Variants in SLIT3 observed in about 807,000 individuals in gnomAD.
SLIT3 encodes slit guidance ligand 3, also known as slit homolog 3 protein.
A neutral mutation model predicts 184.0 loss-of-function variants in SLIT3; 68 were observed. The observed-to-expected ratio is 0.37, with a 90% CI of 0.30 to 0.45. The LOEUF (loss-of-function observed/expected upper bound fraction) is 0.45. Ranked by LOEUF, SLIT3 falls within the 20% of genes least tolerant of loss-of-function variation. SLIT3 has a pLI of 1.00. For synonymous variants in SLIT3, 831 were observed against 828.6 expected, an observed-to-expected ratio of 1.00 and a Z score of -0.05; for missense variants, 1,707 against 2,026.0, an observed-to-expected ratio of 0.84 and a Z score of 3.02.
intron 4 of SLIT3, among the ~76,000 whole-genome samples, chr5:169,138,469 T>C (rs1761603999): frequency 1.3e-5 from 2 of 152,036 alleles, no homozygotes; most frequent in African/African-American, 4.8e-5. Context: ...CTTTAACCCC[T>C]TCCCCCCTAG....
intron 4 of SLIT3, among the ~76,000 whole-genome samples, chr5:168,945,280 T>C (rs924275169): frequency 1.4e-4 from 21 of 151,872 alleles, no homozygotes; most frequent in Non-Finnish European, 2.6e-4. Context: ...CTCACTCTGT[T>C]ACCCAAGCTG....
At chr5:169,184,528 A>G (rs1276627822) in intron 4 of SLIT3, among the ~76,000 whole-genome samples, 1 of 152,234 alleles carries the variant, frequency 6.6e-6, no homozygotes, top group Admixed American at 6.5e-5. Flanking sequence ...AATATATAAA[A>G]TAACAGGGGC....
intron 1 of SLIT3, among the ~76,000 whole-genome samples, chr5:169,276,487 T>C (rs1766811700): frequency 6.6e-6 from 1 of 152,224 alleles, no homozygotes; most frequent in Non-Finnish European, 1.5e-5. Context: ...CGGGATGCCC[T>C]TCATTGGAAC....
chr5:168,887,669 C>A (rs558433930), intron 4 of SLIT3, among the ~76,000 whole-genome samples: 103 of 152,262 alleles, frequency 6.8e-4, no homozygotes, highest in African/African-American at 2.3e-3. Flanking sequence ...ACGGATAGTG[C>A]GCCCAGAAAC....
chr5:169,019,600 T>C (rs1201980815), intron 4 of SLIT3, among the ~76,000 whole-genome samples: 2 of 152,196 alleles, frequency 1.3e-5, no homozygotes, highest in Non-Finnish European at 2.9e-5. Context: ...ACTGATGGCT[T>C]GGCAGCAATT....
intron 4 of SLIT3, among the ~76,000 whole-genome samples, chr5:169,099,167 G>A (rs1015844943): frequency 6.6e-6 from 1 of 152,018 alleles, no homozygotes; most frequent in Non-Finnish European, 1.5e-5. Context: ...GTTTCTGGAG[G>A]GATAAAACAA....
At chr5:169,164,079 C>T (rs771341354) in intron 4 of SLIT3, among the ~76,000 whole-genome samples, 15 of 152,152 alleles carry the variant, frequency 9.9e-5, no homozygotes, top group Non-Finnish European at 1.6e-4. Flanking sequence ...GAAGGATGTT[C>T]GCAAATCAAC....
At chr5:169,247,520 T>TCTTA (rs1349439917) in intron 2 of SLIT3, among the ~76,000 whole-genome samples, 1 of 152,176 alleles carries the variant, frequency 6.6e-6, no homozygotes, top group Non-Finnish European at 1.5e-5. Context: ...CTATAATGAA[T>TCTTA]CTTAGTTCTG....
At position 168,861,413 on chromosome 5, in the gene SLIT3, C is replaced by G. The variant is rs1581155328; in HGVS notation, c.486-16758G>C. On this transcript the variant is annotated intron_variant, in intron 5 of 35. Transcript: ENST00000519560. ...GTCCCCAACCCCTGCCCCCCGCCCC[C>G]ACCAGCCCGCCCAATTTGCCCCATT... Among the ~76,000 whole-genome samples the G allele has an allele frequency of 4.0e-5, 6 of 150,870 alleles. 1 individual carries two copies. The South Asian group carries it at 1.3e-3, about 32-fold the overall frequency.
chr5:168,829,717 A>G (rs1561955739), intron 6 of SLIT3, among the ~76,000 whole-genome samples: 1 of 152,264 alleles, frequency 6.6e-6, no homozygotes, highest in Admixed American at 6.5e-5. Flanking sequence ...GTGAATTAAC[A>G]GAGGTGGATG....
chr5:168,884,549 G>GATATATATAT (rs58407375), intron 4 of SLIT3, among the ~76,000 whole-genome samples: 1,859 of 41,012 alleles, frequency 0.045, 303 homozygotes, highest in African/African-American at 0.071. Flanking sequence ...CCAATTACGA[G>GATATATATAT]ATATATATAT....
intron 19 of SLIT3, 74 bp from the exon 20 acceptor site, chr5:168,748,508 C>A (rs748026407): frequency 1.1e-5 from 15 of 1,402,482 alleles, no homozygotes; most frequent in African/African-American, 1.5e-5. Context: ...AGCAAGGCTG[C>A]GTGTTCTCCA....
At chr5:168,871,042 T>A (rs981297921) in intron 5 of SLIT3, among the ~76,000 whole-genome samples, 2 of 152,162 alleles carry the variant, frequency 1.3e-5, no homozygotes, top group Non-Finnish European at 2.9e-5. Context: ...AGGTCAGAAG[T>A]CCTAGATCAG....
chr5:168,924,459 T>C (rs1761742640), intron 4 of SLIT3, among the ~76,000 whole-genome samples: 2 of 152,016 alleles, frequency 1.3e-5, no homozygotes, highest in Admixed American at 1.3e-4. Context: ...TGCAAGCCAG[T>C]ATAATTAATA....
In SLIT3 at chr5:168,789,459, T is replaced by A. The variant is rs556104021; in HGVS notation, c.1079+101A>T. 5 of 851,254 alleles carry A rather than the reference T, an allele frequency of 5.9e-6. No homozygotes were observed. The East Asian group carries it at 1.3e-4, about 23-fold the overall frequency. 52.7% of individuals were successfully genotyped at this position (851,254 alleles called of 1,614,324 possible). A position where few individuals can be genotyped will look rare whatever the true frequency, so the allele number is the denominator to read the frequency against. ...GTTGCCACAAGTGTGTAAGGGAACA[T>A]AAAGTCTTGATAAACACCTCCTGAG... On this transcript the variant is annotated intron_variant, in intron 11 of 35. Coordinates refer to ENST00000519560, the MANE Select transcript of SLIT3 (RefSeq NM_003062.4).
chr5:168,677,752 C>T (rs2113200324), intron 32 of SLIT3, among the ~76,000 whole-genome samples: 1 of 152,308 alleles, frequency 6.6e-6, no homozygotes, highest in East Asian at 1.9e-4. Flanking sequence ...CCTGGCCCTA[C>T]ACTGGTTTTA....
intron 4 of SLIT3, among the ~76,000 whole-genome samples, chr5:168,909,823 G>A (rs992563150): frequency 6.6e-6 from 1 of 152,176 alleles, no homozygotes; most frequent in African/African-American, 2.4e-5. Flanking sequence ...GAAGTTCACC[G>A]TCCTTTGAGC....
At chr5:169,247,128 A>C (rs1312530421) in intron 2 of SLIT3, among the ~76,000 whole-genome samples, 2 of 150,596 alleles carry the variant, frequency 1.3e-5, no homozygotes, top group Non-Finnish European at 3.0e-5. Flanking sequence ...AGACATGAGA[A>C]TCACTTGAAC....
intron 4 of SLIT3, among the ~76,000 whole-genome samples, chr5:169,111,775 A>G (rs1760417415): frequency 6.6e-6 from 1 of 152,156 alleles, no homozygotes. Context: ...TAAATAAATA[A>G]AAGACTTTAT....
Sources: gnomAD v4.1 joint callset for allele counts (sites outside exome capture counted in the v4.1 genomes callset) on GRCh38, gnomAD v4.1.1 for gene constraint, MANE v1.5 for transcripts, NCBI Gene and HGNC (gene_info 2026-07-23, HGNC 2026-07-21) for gene names.